Variants in EVC observed in about 807,000 individuals in gnomAD.
EVC encodes EvC ciliary complex subunit 1.
EVC carries 116 observed loss-of-function variants against 118.9 expected under a neutral mutation model. The observed-to-expected ratio is 0.98, with a 90% confidence interval of 0.84 to 1.14. The LOEUF (loss-of-function observed/expected upper bound fraction) is 1.14, where lower values mean the gene tolerates loss of function less well. Among genes scored for constraint, EVC ranks in the 50% most tolerant of loss-of-function variants. EVC has a pLI of 0.00. For synonymous variants in EVC, 619 were observed against 534.7 expected (o/e 1.16, Z -2.18); for missense variants, 1,401 against 1,246.4 (o/e 1.12, Z -1.87).
intron 8 of EVC, among the ~76,000 whole-genome samples, chr4:5,751,942 G>C (rs1040052639): frequency 6.6e-6 from 1 of 152,172 alleles, no homozygotes; most frequent in Non-Finnish European, 1.5e-5. Flanking sequence ...TGCCTGGGGT[G>C]CTGGACTTGA....
intron 15 of EVC, 112 bp from the exon 16 acceptor site, chr4:5,801,838 T>A: frequency 8.2e-7 from 1 of 1,225,132 alleles, no homozygotes; most frequent in Non-Finnish European, 1.2e-6. Context: ...TCCAGGTTGG[T>A]GAGTAGGTGG....
chr4:5,794,371 A>C lies in EVC; in HGVS notation c.1886+654A>C, dbSNP rs1473889051. Among the ~76,000 whole-genome samples the C allele has an allele frequency of 4.2e-5, 6 of 141,806 alleles. No individual in the cohort carries two copies. The East Asian group carries it at 1.2e-3, about 28-fold the overall frequency. The allele number at this position is 141,806 out of a possible 152,430, so 93.0% of individuals were successfully genotyped here. A position where few individuals can be genotyped will look rare whatever the true frequency, so the allele number is the denominator to read the frequency against. On this transcript the variant is annotated intron_variant, in intron 13 of 20. Coordinates refer to ENST00000264956, the MANE Select transcript of EVC (RefSeq NM_153717.3). ...TATATATATTTATGTATTTATATTT[A>C]TATACATATATATATATTTTTTATA... is the stretch of plus-strand genomic sequence containing the variant.
intron 20 of EVC, 31 bp downstream of exon 20, chr4:5,810,481 G>A (rs755592026): frequency 6.4e-7 from 1 of 1,557,420 alleles, no homozygotes; most frequent in Non-Finnish European, 8.8e-7. Context: ...TGTTGCCTGT[G>A]GCTGGGTTTG....
chr4:5,736,765 T>C (rs949806373), intron 5 of EVC, among the ~76,000 whole-genome samples: 1 of 152,194 alleles, frequency 6.6e-6, no homozygotes, highest in Non-Finnish European at 1.5e-5. Flanking sequence ...AATTAATAAA[T>C]GTTGTGTGTG....
At chr4:5,775,329 A>G (rs999475294) in intron 11 of EVC, among the ~76,000 whole-genome samples, 15 of 152,194 alleles carry the variant, frequency 9.9e-5, no homozygotes, top group Non-Finnish European at 2.1e-4. Flanking sequence ...GAAACCATAT[A>G]GAGCAAGAAA....
intron 12 of EVC, among the ~76,000 whole-genome samples, chr4:5,784,469 A>G (rs865796590): frequency 7.9e-5 from 12 of 152,122 alleles, no homozygotes; most frequent in Middle Eastern, 3.2e-3. Context: ...CCCTGCTGAC[A>G]CCTTGATTTT....
At chr4:5,828,765 G>T in the EVC span, 1 of 1,379,510 alleles carries the variant, frequency 7.2e-7, no homozygotes, top group Non-Finnish European at 9.8e-7. Context: ...TCATAAGCGT[G>T]TTCCAATGTT....
chr4:5,741,568 C>CA (rs1388151303), intron 5 of EVC, 148 bp from the exon 6 acceptor site: 98 of 576,158 alleles, frequency 1.7e-4, no homozygotes, highest in Middle Eastern at 4.1e-4. Flanking sequence ...TTTCCTTCAG[C>CA]AAAAAATATA....
chr4:5,734,767 A>G (rs1727404218), intron 5 of EVC, among the ~76,000 whole-genome samples: 2 of 152,212 alleles, frequency 1.3e-5, no homozygotes, highest in African/African-American at 4.8e-5. Context: ...TTGAAACCGT[A>G]AATATGCTAG....
rs370119500 is a variant in EVC at position 5,742,487 on chromosome 4, G to A, written c.801+673G>A. 7.9e-5 allele frequency among the ~76,000 whole-genome samples: 12 copies of A among 152,010 alleles called. No homozygotes were observed. The highest frequency in any genetic ancestry group is 5.9e-4 in the Admixed American group (9 of 15,268). On this transcript the variant is annotated intron_variant, in intron 6 of 20. Coordinates refer to ENST00000264956, the MANE Select transcript of EVC (RefSeq NM_153717.3). The surrounding 1 kb of genome is among the most constrained non-coding windows in gnomAD (Gnocchi z 5.2). ...CATCACCACCACTATTACTATCACA[G>A]TTCTCTTCTTCATCATGTCATTGTT...
chr4:5,808,584 G>C (rs533918679), intron 18 of EVC, among the ~76,000 whole-genome samples: 4 of 152,218 alleles, frequency 2.6e-5, no homozygotes, highest in Non-Finnish European at 5.9e-5. Context: ...CTGAGCAGCT[G>C]GTCAGGCCTC....
At chr4:5,791,433 T>G (rs998876498) in intron 12 of EVC, among the ~76,000 whole-genome samples, 1 of 151,970 alleles carries the variant, frequency 6.6e-6, no homozygotes, top group African/African-American at 2.4e-5. Context: ...AACAATGAAC[T>G]GAAGAGTTTA....
chr4:5,798,387 C>G lies in EVC; in HGVS notation c.2098-199C>G, dbSNP rs941425022. Among the ~76,000 whole-genome samples the G allele has an allele frequency of 1.6e-4, 24 of 152,190 alleles. No homozygotes were observed. Among genetic ancestry groups the G allele is most frequent in the Non-Finnish European group, 4.4e-5 (3 of 68,026 alleles). On this transcript the variant is annotated intron_variant, in intron 14 of 20. Coordinates refer to ENST00000264956, the MANE Select transcript of EVC (RefSeq NM_153717.3). This position sits in a 1 kb window ranked among gnomAD's most constrained non-coding sequence, Gnocchi z 4.1. ...TTGATGCTCAATAAATGCCCTTTTTCTGGGGACACAGACACCTAACAGACA... is the reference window on the plus strand; with the variant it reads ...TTGATGCTCAATAAATGCCCTTTTTGTGGGGACACAGACACCTAACAGACA...
intron 11 of EVC, among the ~76,000 whole-genome samples, chr4:5,773,628 G>A (rs575480398): frequency 2.6e-5 from 4 of 152,106 alleles, no homozygotes; most frequent in Non-Finnish European, 2.9e-5. Flanking sequence ...TGAGCTGCCG[G>A]GGTGTTTTGT....
At chr4:5,784,726 G>A (rs1736166256) in intron 12 of EVC, among the ~76,000 whole-genome samples, 1 of 147,538 alleles carries the variant, frequency 6.8e-6, no homozygotes, top group Non-Finnish European at 1.5e-5. Flanking sequence ...TCCTGCCTCA[G>A]CCTCCCAAGT....
At position 5,812,472 on chromosome 4, in the gene EVC, G is replaced by A. The variant is rs1717081107; in HGVS notation, c.*1435G>A. On this transcript the variant is annotated 3_prime_UTR_variant, in exon 21 of 21. Transcript: ENST00000264956. ...AGGAGAGACCTTTTCTGCCTGGAGA[G>A]AAACTTTCAGACCAGCCCCACACAC... 6.1e-6 allele frequency: 1 copy of A among 164,762 alleles called. No individual in the cohort carries two copies. The highest frequency in any genetic ancestry group is 6.6e-5 in the Admixed American group (1 of 15,144). The allele number at this position is 164,762 out of a possible 1,614,324, so 10.2% of individuals were successfully genotyped here.
In EVC at chr4:5,798,997, C is replaced by T. The variant is rs894825764; in HGVS notation, c.2304+205C>T. ...GGGAGGGGCAGTCGCAGCAGATCAC[C>T]GGTTCTCCCCCTGCTGTTAGGCCCT... On this transcript the variant is annotated intron_variant, in intron 15 of 20. Coordinates refer to ENST00000264956, the MANE Select transcript of EVC (RefSeq NM_153717.3). The surrounding 1 kb of genome is among the most constrained non-coding windows in gnomAD (Gnocchi z 4.1). 3.3e-5 allele frequency among the ~76,000 whole-genome samples: 5 copies of T among 152,214 alleles called. No individual in the cohort carries two copies. The South Asian group carries it at 6.2e-4, about 19-fold the overall frequency.
Position 5,798,164 on chromosome 4 carries a change from C to T in EVC, c.2098-422C>T, listed in dbSNP as rs111452963. Reference sequence around the variant, plus strand: ...AGGCAGTCCTCAGAGCCCTGTGTGCCCTGCCTCAGCTTCTGTGATATCCTG... The same window carrying T: ...AGGCAGTCCTCAGAGCCCTGTGTGCTCTGCCTCAGCTTCTGTGATATCCTG... On this transcript the variant is annotated intron_variant, in intron 14 of 20. Coordinates refer to ENST00000264956, the MANE Select transcript of EVC (RefSeq NM_153717.3). This position sits in a 1 kb window ranked among gnomAD's most constrained non-coding sequence, Gnocchi z 4.1. Among the ~76,000 whole-genome samples, 28 of 152,316 alleles carry T rather than the reference C, an allele frequency of 1.8e-4. No individual in the cohort carries two copies. Among genetic ancestry groups the T allele is most frequent in the African/African-American group, 6.5e-4 (27 of 41,562 alleles).
intron 3 of EVC, 35 bp downstream of exon 3, chr4:5,729,425 T>A (rs760784095): frequency 6.3e-7 from 1 of 1,585,486 alleles, no homozygotes; most frequent in South Asian, 1.1e-5. Flanking sequence ...GAAAGCCAGT[T>A]ACTTCCGTCA....
Sources: gnomAD v4.1 joint callset for allele counts (sites outside exome capture counted in the v4.1 genomes callset) on GRCh38, gnomAD v4.1.1 for gene constraint, Gnocchi (gnomAD v3.1) non-coding constraint, MANE v1.5 for transcripts, NCBI Gene and HGNC (gene_info 2026-07-23, HGNC 2026-07-21) for gene names.